Variants in AK9 observed in about 807,000 individuals in gnomAD.
AK9 encodes adenylate kinase 9.
AK9 carries 191 observed loss-of-function variants against 239.6 expected under a neutral mutation model. The ratio of observed to expected loss-of-function variants is 0.80; its 90% confidence interval spans 0.71 to 0.90. The LOEUF (loss-of-function observed/expected upper bound fraction) is 0.90, where lower values mean the gene tolerates loss of function less well. Among genes scored for constraint, AK9 ranks in the 40% least tolerant of loss-of-function variants. The pLI is 0.00. For synonymous variants in AK9, 689 were observed against 721.0 expected, an observed-to-expected ratio of 0.96 and a Z score of 0.71; for missense variants, 1,995 against 2,214.7, an observed-to-expected ratio of 0.90 and a Z score of 1.99.
intron 12 of AK9, 83 bp from the exon 13 acceptor site, chr6:109,619,319 T>C (rs1455312254): frequency 7.5e-7 from 1 of 1,330,100 alleles, no homozygotes; most frequent in African/African-American, 1.5e-5. Context: ...TATGTATATC[T>C]ATCTATATTT....
At chr6:109,667,523 G>A (rs538196958) in intron 5 of AK9, among the ~76,000 whole-genome samples, 1 of 152,058 alleles carries the variant, frequency 6.6e-6, no homozygotes, top group Admixed American at 6.5e-5. Flanking sequence ...ATTTACATTA[G>A]CTATATCTCC....
intron 10 of AK9, among the ~76,000 whole-genome samples, chr6:109,638,620 T>C (rs1797004156): frequency 6.6e-6 from 1 of 152,116 alleles, no homozygotes; most frequent in African/African-American, 2.4e-5. Context: ...GCTGGGACGA[T>C]GGGCATGTGC....
At chr6:109,599,577 T>C (rs1791609425) in intron 17 of AK9, among the ~76,000 whole-genome samples, 1 of 122,432 alleles carries the variant, frequency 8.2e-6, no homozygotes, top group Non-Finnish European at 1.8e-5. Flanking sequence ...TGGTTCCATA[T>C]GAACTTTAAA....
intron 2 of AK9, 115 bp from the exon 3 acceptor site, chr6:109,674,376 T>G (rs1047015682): frequency 1.4e-6 from 1 of 713,940 alleles, no homozygotes; most frequent in Admixed American, 3.7e-5. Context: ...TGTTATAATT[T>G]TTCCCATAAA....
chr6:109,559,469 G>T (rs1404614905), intron 24 of AK9, among the ~76,000 whole-genome samples: 1 of 152,192 alleles, frequency 6.6e-6, no homozygotes, highest in Non-Finnish European at 1.5e-5. Context: ...GCCCGGCCTG[G>T]TATATCTATC....
chr6:109,597,110 A>G (rs1164366213), intron 17 of AK9, among the ~76,000 whole-genome samples: 2 of 152,122 alleles, frequency 1.3e-5, no homozygotes, highest in African/African-American at 4.8e-5. Flanking sequence ...TCTTTGTCCA[A>G]ATATTATATA....
In AK9 at chr6:109,546,010, CT is replaced by C; in HGVS notation, c.3081del (p.Glu1028LysfsTer60). 6.2e-7 allele frequency: 1 copy of C among 1,613,924 alleles called. No individual in the cohort carries two copies. The highest frequency in any genetic ancestry group is 2.2e-5 in the East Asian group (1 of 44,874). Reference sequence around the variant, plus strand: ...TTTTCAGTTTTGAGTAGTAGTTTTTCTTGAAGAACTTCTTCAAACTGAATGT... The same window carrying C: ...TTTTCAGTTTTGAGTAGTAGTTTTTCTGAAGAACTTCTTCAAACTGAATGT... The part of the protein sequence containing the change: ...IFHIQFEEVL[Q>X]EKLLLKTEKK... On this transcript the variant is annotated frameshift_variant, in exon 26 of 41. Coordinates refer to ENST00000424296, the MANE Select transcript of AK9 (RefSeq NM_001145128.3). LOFTEE classifies it high-confidence loss of function.
chr6:109,563,620 G>A lies in AK9; in HGVS notation c.2728C>T (p.Leu910=), dbSNP rs1210303980. Residue 910 remains leucine, a synonymous_variant, in exon 24 of 41, where the codon CTA becomes TTA. Transcript: ENST00000424296. ...YQTEAEVDEE[L]EEEEEEEGED... ...GCCTCTTCCTCTTCCTCTTCCTCTA[G>A]CTCCTCATCAACCTCTGCTTCAGTC... 1 of 1,550,652 alleles carries A rather than the reference G, an allele frequency of 6.4e-7. No homozygotes were observed. Among genetic ancestry groups the A allele is most frequent in the Admixed American group, 2.0e-5 (1 of 50,982 alleles).
intron 29 of AK9, among the ~76,000 whole-genome samples, chr6:109,520,100 G>A (rs987295441): frequency 6.6e-6 from 1 of 152,064 alleles, no homozygotes; most frequent in African/African-American, 2.4e-5. Context: ...AAGCTCCATA[G>A]TCTTAGGTCC....
At chr6:109,636,219 C>G (rs539286910) in intron 10 of AK9, among the ~76,000 whole-genome samples, 5 of 152,218 alleles carry the variant, frequency 3.3e-5, no homozygotes, top group Admixed American at 3.3e-4. Flanking sequence ...TGCACAGCCC[C>G]TCCTCTCCTG....
chr6:109,649,043 C>T (rs893642904), intron 8 of AK9, among the ~76,000 whole-genome samples: 32 of 152,100 alleles, frequency 2.1e-4, no homozygotes, highest in Non-Finnish European at 3.4e-4. Flanking sequence ...ATTCAACAAC[C>T]GTTCATGCTA....
chr6:109,610,139 G>A (rs1163811002), intron 17 of AK9, among the ~76,000 whole-genome samples: 1 of 152,134 alleles, frequency 6.6e-6, no homozygotes, highest in Admixed American at 6.6e-5. Context: ...AAAGCATAAA[G>A]TTATATTACA....
At chr6:109,509,505 A>T (rs1254978679) in intron 32 of AK9, 125 bp from the exon 33 acceptor site, 4 of 838,572 alleles carry the variant, frequency 4.8e-6, no homozygotes, top group Non-Finnish European at 7.2e-6. Flanking sequence ...CTGTCCCCCA[A>T]GTAGCAAACA....
At chr6:109,650,259 T>C (rs1798729052) in intron 8 of AK9, among the ~76,000 whole-genome samples, 1 of 151,596 alleles carries the variant, frequency 6.6e-6, no homozygotes, top group South Asian at 2.1e-4. Flanking sequence ...CTAAAGAGCT[T>C]CTGCACAGCA....
chr6:109,499,080 C>T lies in AK9; in HGVS notation c.5010G>A (p.Gly1670=), dbSNP rs777043442. 6.3e-7 allele frequency: 1 copy of T among 1,578,108 alleles called. No individual in the cohort carries two copies. Among genetic ancestry groups the T allele is most frequent in the Admixed American group, 1.9e-5 (1 of 53,420 alleles). ...DSLEFAAEFR[G]HYYKMSSQEK... ...CCTGAGAACTCATTTTATAGTAGTG[C>T]CCCCTGAACTCTGCTGCAAATTCCA... The change falls in exon 36 of 41, where the codon GGG becomes GGA. Residue 1670 remains glycine, a synonymous_variant. Transcript: ENST00000424296.
chr6:109,535,088 C>A (rs1036926630), intron 27 of AK9, among the ~76,000 whole-genome samples: 2 of 152,164 alleles, frequency 1.3e-5, no homozygotes, highest in African/African-American at 4.8e-5. Flanking sequence ...GGCATTATAG[C>A]AGCATGATTT....
intron 29 of AK9, among the ~76,000 whole-genome samples, chr6:109,524,010 G>A (rs1780158455): frequency 6.6e-6 from 1 of 152,038 alleles, no homozygotes; most frequent in African/African-American, 2.4e-5. Context: ...ATGAAAATTT[G>A]ACCCATCCTC....
intron 12 of AK9, chr6:109,632,096 G>T: frequency 1.1e-6 from 1 of 927,230 alleles, no homozygotes; most frequent in Non-Finnish European, 1.3e-6. Flanking sequence ...GATTTGACCT[G>T]GTTGGTGGTT....
At chr6:109,672,357 A>G (rs1368254044) in intron 3 of AK9, among the ~76,000 whole-genome samples, 190 bp from the exon 4 acceptor site, 4 of 152,212 alleles carry the variant, frequency 2.6e-5, no homozygotes, top group African/African-American at 7.2e-5. Context: ...TGTCTTCCAT[A>G]GAGAACTTGT....
Sources: gnomAD v4.1 joint callset for allele counts (sites outside exome capture counted in the v4.1 genomes callset) on GRCh38, gnomAD v4.1.1 for gene constraint, MANE v1.5 for transcripts, NCBI Gene and HGNC (gene_info 2026-07-23, HGNC 2026-07-21) for gene names.